Variants in GRIK2 observed in about 807,000 individuals in gnomAD.
The protein encoded by GRIK2 is glutamate ionotropic receptor kainate type subunit 2.
GRIK2 carries 32 observed loss-of-function variants against 100.3 expected under a neutral mutation model. That is an observed-to-expected ratio of 0.32 (90% confidence interval 0.24 to 0.43). The LOEUF is 0.43. GRIK2 is among the 20% of genes least tolerant of loss of function. The pLI is 1.00. For synonymous variants in GRIK2, 417 were observed against 389.4 expected, an observed-to-expected ratio of 1.07 and a Z score of -0.83; for missense variants, 843 against 1,114.9, an observed-to-expected ratio of 0.76 and a Z score of 3.47.
At chr6:101,461,517 G>A (rs189403686) in intron 2 of GRIK2, among the ~76,000 whole-genome samples, 1 of 152,210 alleles carries the variant, frequency 6.6e-6, no homozygotes, top group African/African-American at 2.4e-5. Context: ...TTCTCGCATT[G>A]CATTTCTCTG....
chr6:101,555,339 G>A (rs962953089), intron 2 of GRIK2, among the ~76,000 whole-genome samples: 1 of 152,152 alleles, frequency 6.6e-6, no homozygotes, highest in Admixed American at 6.5e-5. Context: ...TCGTTGGGAA[G>A]GTTAGTGGAC....
At chr6:101,927,914 A>G (rs1192235901) in intron 13 of GRIK2, 3 of 155,950 alleles carry the variant, frequency 1.9e-5, no homozygotes, top group Admixed American at 6.2e-5. Flanking sequence ...TAGTTATTTT[A>G]TTATTATACG....
chr6:101,926,309 G>C (rs1789898256), intron 13 of GRIK2, among the ~76,000 whole-genome samples: 1 of 150,980 alleles, frequency 6.6e-6, no homozygotes, highest in South Asian at 2.1e-4. Flanking sequence ...ATGGCACAAG[G>C]TTATTTTATA....
chr6:101,681,494 C>T (rs1411969970), intron 5 of GRIK2, among the ~76,000 whole-genome samples: 3 of 150,322 alleles, frequency 2.0e-5, no homozygotes, highest in South Asian at 4.2e-4. Flanking sequence ...CTTGGTTTCC[C>T]GAAGTCCAGG....
At position 101,565,919 on chromosome 6, in the gene GRIK2, A is replaced by T. The variant is rs1215717715; in HGVS notation, c.116-56030A>T. Among the ~76,000 whole-genome samples, 154 of 105,642 alleles carry T rather than the reference A, an allele frequency of 1.5e-3. 2 individuals are homozygous for T. Among genetic ancestry groups the T allele is most frequent in the African/African-American group, 5.2e-3 (138 of 26,694 alleles). The allele number at this position is 105,642 out of a possible 152,430, so 69.3% of individuals were successfully genotyped here. ...CTTTATCTTTATATACCTATTTTAT[A>T]TATATATATATATGTGTATATATAT... On this transcript the variant is annotated intron_variant, in intron 2 of 16. Coordinates refer to ENST00000369134, the MANE Select transcript of GRIK2 (RefSeq NM_021956.5).
chr6:101,592,173 A>C (rs1778679359), intron 2 of GRIK2, among the ~76,000 whole-genome samples: 1 of 152,146 alleles, frequency 6.6e-6, no homozygotes, highest in South Asian at 2.1e-4. Context: ...ACCATGAGCC[A>C]AAATTAAACT....
At chr6:101,799,873 G>A (rs1780564968) in intron 8 of GRIK2, 82 bp downstream of exon 8, 2 of 1,115,004 alleles carry the variant, frequency 1.8e-6, no homozygotes, top group Middle Eastern at 2.0e-4. Flanking sequence ...TTTCTAGCAA[G>A]TGTCCTTTTA....
intron 2 of GRIK2, among the ~76,000 whole-genome samples, chr6:101,479,686 T>C (rs1257651577): frequency 6.6e-6 from 1 of 152,184 alleles, no homozygotes; most frequent in African/African-American, 2.4e-5. Flanking sequence ...ATCTATTTAA[T>C]GAATTAGGTT....
chr6:101,746,862 G>T (rs1028245577), intron 7 of GRIK2, among the ~76,000 whole-genome samples: 4 of 152,110 alleles, frequency 2.6e-5, no homozygotes, highest in African/African-American at 9.7e-5. Context: ...TTGATATATA[G>T]TTATGGGAGG....
At chr6:101,762,082 C>T (rs1176017729) in intron 7 of GRIK2, among the ~76,000 whole-genome samples, 4 of 135,034 alleles carry the variant, frequency 3.0e-5, no homozygotes, top group Admixed American at 1.5e-4. Context: ...CCCCTCCCTT[C>T]CTTTCCTTCC....
At chr6:101,987,432 C>G (rs1794077016) in intron 14 of GRIK2, among the ~76,000 whole-genome samples, 1 of 151,598 alleles carries the variant, frequency 6.6e-6, no homozygotes, top group Non-Finnish European at 1.5e-5. Flanking sequence ...AAGCATAATG[C>G]AGTTATATCT....
intron 2 of GRIK2, among the ~76,000 whole-genome samples, chr6:101,594,257 A>G (rs561805971): frequency 3.3e-5 from 5 of 151,952 alleles, no homozygotes; most frequent in Admixed American, 1.3e-4. Context: ...AGGAAAGTCA[A>G]TGGGGTTGGA....
chr6:101,520,267 C>T (rs1264240378), intron 2 of GRIK2, among the ~76,000 whole-genome samples: 1 of 150,716 alleles, frequency 6.6e-6, no homozygotes, highest in South Asian at 2.1e-4. Flanking sequence ...CTGCTATTAT[C>T]TTAGGAAAAT....
intron 10 of GRIK2, among the ~76,000 whole-genome samples, chr6:101,828,709 G>A (rs566430616): frequency 1.3e-5 from 2 of 151,948 alleles, no homozygotes; most frequent in Non-Finnish European, 2.9e-5. Context: ...AACCTTCCAA[G>A]ATTGAACCAG....
chr6:101,690,579 T>C (rs570070197), intron 7 of GRIK2, among the ~76,000 whole-genome samples: 9 of 152,158 alleles, frequency 5.9e-5, no homozygotes, highest in Non-Finnish European at 1.2e-4. Context: ...GTATGATTTT[T>C]TTCAGAACTT....
chr6:101,789,656 T>G (rs1779694461), intron 7 of GRIK2, among the ~76,000 whole-genome samples: 1 of 152,208 alleles, frequency 6.6e-6, no homozygotes, highest in South Asian at 2.1e-4. Flanking sequence ...TCCAGCTTTG[T>G]TCTTTTGGCT....
chr6:101,761,040 G>C (rs545719048), intron 7 of GRIK2, among the ~76,000 whole-genome samples: 1 of 152,152 alleles, frequency 6.6e-6, no homozygotes, highest in South Asian at 2.1e-4. Flanking sequence ...AATCTGAACA[G>C]AACTATCCAA....
In GRIK2 at chr6:101,525,167, G is replaced by C. The variant is rs371273456; in HGVS notation, c.116-96782G>C. Among the ~76,000 whole-genome samples, 7 of 152,310 alleles carry C rather than the reference G, an allele frequency of 4.6e-5. No homozygotes were observed. The East Asian group carries it at 9.6e-4, about 21-fold the overall frequency. On this transcript the variant is annotated intron_variant, in intron 2 of 16. Coordinates refer to ENST00000369134, the MANE Select transcript of GRIK2 (RefSeq NM_021956.5). ...ATATAGTTTGATATAAAGCAGATGA[G>C]AAGTTACATTAAAGAAGCTTATGCA...
intron 2 of GRIK2, among the ~76,000 whole-genome samples, chr6:101,592,965 C>T (rs1162026841): frequency 1.3e-5 from 2 of 151,766 alleles, no homozygotes; most frequent in African/African-American, 4.8e-5. Context: ...CAAATAAAAA[C>T]AAATTACCAG....
Sources: allele counts gnomAD v4.1 joint callset (sites outside exome capture counted in the v4.1 genomes callset), GRCh38; gene constraint gnomAD v4.1.1; transcripts MANE v1.5; gene names NCBI Gene and HGNC (gene_info 2026-07-23, HGNC 2026-07-21).